SCN3A: variants seen among roughly 807,000 people sequenced by gnomAD.
The protein encoded by SCN3A is sodium channel protein type 3 subunit alpha.
Under a neutral mutation model 187.6 loss-of-function variants are expected in SCN3A, and 60 were observed. That is an observed-to-expected ratio of 0.32 (90% confidence interval 0.26 to 0.40). The LOEUF is 0.40. SCN3A is among the 10% of genes least tolerant of loss of function. The pLI is 1.00. For missense variants in SCN3A, 1,601 were observed against 2,428.2 expected (o/e 0.66, Z 7.16); for synonymous variants, 788 against 829.2 (o/e 0.95, Z 0.85).
intron 14 of SCN3A, among the ~76,000 whole-genome samples, chr2:165,139,211 C>G (rs780379368): frequency 7.9e-5 from 12 of 152,094 alleles, no homozygotes; most frequent in Non-Finnish European, 1.5e-4. Flanking sequence ...ATATGAGTAA[C>G]ATAACATAAG....
At position 165,088,913 on chromosome 2, in the gene SCN3A, T is replaced by A. The variant is rs1052128452; in HGVS notation, c.*1237A>T. The A allele has an allele frequency of 6.6e-6, 1 of 152,560 alleles. No homozygotes were observed. The highest frequency in any genetic ancestry group is 2.4e-5 in the African/African-American group (1 of 41,464). The allele number at this position is 152,560 out of a possible 1,614,324, so 9.5% of individuals were successfully genotyped here. On this transcript the variant is annotated 3_prime_UTR_variant, in exon 28 of 28. Transcript: ENST00000283254. The stretch of plus-strand genomic sequence containing the variant: ...TCATGTTGAATTAAAAGTGCAAAAG[T>A]AAAGGTGTTTGTAAATAGCTTCAAA...
In SCN3A at chr2:165,092,987, TG is replaced by T; in HGVS notation, c.4537-464del. 1 of 167,962 alleles carries T rather than the reference TG, an allele frequency of 6.0e-6. No individual in the cohort carries two copies. Among genetic ancestry groups the T allele is most frequent in the Non-Finnish European group, 1.3e-5 (1 of 77,398 alleles). 10.4% of individuals were successfully genotyped at this position (167,962 alleles called of 1,614,324 possible). A position where few individuals can be genotyped will look rare whatever the true frequency, so the allele number is the denominator to read the frequency against. On this transcript the variant is annotated intron_variant, in intron 26 of 27. Coordinates refer to ENST00000283254, the MANE Select transcript of SCN3A (RefSeq NM_006922.4). This position sits in a 1 kb window ranked among gnomAD's most constrained non-coding sequence, Gnocchi z 4.2. ...TCACTTGACCCCAGGTGTTTGAACT[TG>T]CAGTGAGCTATGGTCTTGCCACTGT... is the stretch of plus-strand genomic sequence containing the variant.
chr2:165,132,936 A>G (rs1161847523), intron 15 of SCN3A, among the ~76,000 whole-genome samples: 1 of 152,168 alleles, frequency 6.6e-6, no homozygotes, highest in Non-Finnish European at 1.5e-5. Flanking sequence ...AATTTACAAG[A>G]AAAAAACAAA....
intron 5 of SCN3A, among the ~76,000 whole-genome samples, chr2:165,167,256 T>C (rs1420886763): frequency 6.6e-6 from 1 of 152,224 alleles, no homozygotes; most frequent in Non-Finnish European, 1.5e-5. Flanking sequence ...GTGTCCATTT[T>C]GTTAACTCCA....
Position 165,091,077 on chromosome 2 carries a change from A to G in SCN3A, c.5076T>C (p.Phe1692=), listed in dbSNP as rs1379062844. 3 of 1,614,030 alleles carry G rather than the reference A, an allele frequency of 1.9e-6. No homozygotes were observed. The African/African-American group carries it at 4.0e-5, about 22-fold the overall frequency. Residue 1692 remains phenylalanine (F), a synonymous_variant, in exon 28 of 28, where the codon TTT becomes TTC. Transcript: ENST00000283254. ...AGATCATGCTGTTGCCAAAGGTCTC[A>G]AAGTTGAACATGTCATCAATTCCAG... ...KEAGIDDMFN[F]ETFGNSMICL...
intron 9 of SCN3A, among the ~76,000 whole-genome samples, chr2:165,156,320 C>T (rs562690214): frequency 6.6e-6 from 1 of 151,034 alleles, no homozygotes; most frequent in African/African-American, 2.4e-5. Context: ...TCCTGGCTAA[C>T]ACAGTGAAAC....
chr2:165,115,521 G>C lies in SCN3A; in HGVS notation c.3448C>G (p.Arg1150Gly). 1 of 1,613,428 alleles carries C rather than the reference G, an allele frequency of 6.2e-7. No individual in the cohort carries two copies. The highest frequency in any genetic ancestry group is 8.5e-7 in the Non-Finnish European group (1 of 1,179,764). ...TCAGTTTCAGCTTGTTCACCTTCTC[G>C]GGGTAGAACAACATCAACTGTGCTT... ...EGSTVDVVLP[R>G]EGEQAETEPE... Residue 1150 changes from arginine (R) to glycine (G), a missense_variant, in exon 19 of 28, where the codon CGA becomes GGA. This residue lies in a region of SCN3A where 267 missense variants were observed against 313.2 expected (regional missense o/e 0.85). Transcript: ENST00000283254.
At chr2:165,156,090 A>T (rs1480804412) in intron 9 of SCN3A, among the ~76,000 whole-genome samples, 187 bp from the exon 10 acceptor site, 1 of 152,148 alleles carries the variant, frequency 6.6e-6, no homozygotes, top group Non-Finnish European at 1.5e-5. Context: ...AGGAAGACCG[A>T]TAGAAAATTT....
chr2:165,097,138 T>C (rs1685395861), intron 23 of SCN3A, 114 bp downstream of exon 23: 1 of 1,124,800 alleles, frequency 8.9e-7, no homozygotes, highest in Non-Finnish European at 1.3e-6. Context: ...GGTGTTATCA[T>C]TAACTTTTTT....
At chr2:165,179,448 C>T (rs1182137522) in intron 2 of SCN3A, 1 of 152,170 alleles carries the variant, frequency 6.6e-6, no homozygotes, top group East Asian at 1.9e-4. Flanking sequence ...ATGTGGAAAT[C>T]ACCGAGTAAT....
At chr2:165,188,976 A>G (rs1326612604) in intron 1 of SCN3A, among the ~76,000 whole-genome samples, 2 of 152,144 alleles carry the variant, frequency 1.3e-5, no homozygotes, top group South Asian at 2.1e-4. Context: ...ATGGATGACT[A>G]TTTGAGAAAG....
intron 11 of SCN3A, among the ~76,000 whole-genome samples, chr2:165,149,310 G>A (rs1484761364): frequency 1.3e-5 from 2 of 151,908 alleles, no homozygotes; most frequent in Non-Finnish European, 2.9e-5. Flanking sequence ...GAGTAGCTAG[G>A]ATTACAGGCG....
At position 165,108,855 on chromosome 2, in the gene SCN3A, G is replaced by A. The variant is rs558072732; in HGVS notation, c.3843+4030C>T. ...AAAGAATTGTACAGAATCTGAAAAA[G>A]TGCTCCTTCTAGTGCAGTATTCTGG... On this transcript the variant is annotated intron_variant, in intron 21 of 27. Coordinates refer to ENST00000283254, the MANE Select transcript of SCN3A (RefSeq NM_006922.4). Among the ~76,000 whole-genome samples, 7 of 152,200 alleles carry A rather than the reference G, an allele frequency of 4.6e-5. No homozygotes were observed. The South Asian group carries it at 1.5e-3, about 32-fold the overall frequency.
chr2:165,090,042 TAAAACAG>T lies in SCN3A; in HGVS notation c.*101_*107del. On this transcript the variant is annotated 3_prime_UTR_variant, in exon 28 of 28. Transcript: ENST00000283254. The surrounding 1 kb of genome is among the most constrained non-coding windows in gnomAD (Gnocchi z 4.0). Reference sequence around the variant, plus strand: ...ATAGGCACTGACTATGAGTATTTGTTAAAACAGTCAGTTTGGCATGGACCTCCTCTTG... The same window carrying T: ...ATAGGCACTGACTATGAGTATTTGTTTCAGTTTGGCATGGACCTCCTCTTG... The T allele has an allele frequency of 8.7e-6, 13 of 1,495,918 alleles. 1 individual carries two copies. In the South Asian group the frequency reaches 1.6e-4, roughly 19 times the overall value. The allele number at this position is 1,495,918 out of a possible 1,614,324, so 92.7% of individuals were successfully genotyped here.
intron 15 of SCN3A, among the ~76,000 whole-genome samples, chr2:165,134,804 A>C (rs982249358): frequency 9.2e-5 from 14 of 152,054 alleles, no homozygotes; most frequent in African/African-American, 3.4e-4. Context: ...TGATAGAAAT[A>C]TATTATTTAA....
intron 21 of SCN3A, among the ~76,000 whole-genome samples, chr2:165,108,213 C>T (rs759339899): frequency 6.6e-5 from 10 of 152,082 alleles, no homozygotes; most frequent in African/African-American, 9.7e-5. Context: ...GGCATAATAT[C>T]TTTCTACTAC....
intron 1 of SCN3A, among the ~76,000 whole-genome samples, chr2:165,194,071 A>T (rs1213949041): frequency 6.6e-6 from 1 of 152,162 alleles, no homozygotes; most frequent in Non-Finnish European, 1.5e-5. Context: ...CTAGAAAAAC[A>T]TGCCCCTGCC....
At chr2:165,101,558 C>G (rs1227859803) in intron 21 of SCN3A, among the ~76,000 whole-genome samples, 1 of 152,148 alleles carries the variant, frequency 6.6e-6, no homozygotes, top group East Asian at 1.9e-4. Flanking sequence ...AAAAATGTTT[C>G]TTCTTCATCT....
chr2:165,146,390 G>A (rs949858269), intron 12 of SCN3A, among the ~76,000 whole-genome samples: 1 of 95,084 alleles, frequency 1.1e-5, no homozygotes, highest in Non-Finnish European at 2.4e-5. Flanking sequence ...ATATGTGTGT[G>A]TGTGTGTGTG....
Sources: gnomAD v4.1 joint callset for allele counts (sites outside exome capture counted in the v4.1 genomes callset) on GRCh38, gnomAD v4.1.1 for gene constraint, gnomAD v4.1.1 regional missense constraint, Gnocchi (gnomAD v3.1) non-coding constraint, MANE v1.5 for transcripts, NCBI Gene and HGNC (gene_info 2026-07-23, HGNC 2026-07-21) for gene names.